The following B9D1 variants were observed in gnomAD, a reference collection of about 807,000 sequenced individuals.
B9D1 encodes the protein B9 domain-containing protein 1.
A neutral mutation model predicts 26.1 loss-of-function variants in B9D1; 20 were observed. The observed-to-expected ratio is 0.77, with a 90% confidence interval of 0.54 to 1.12. The LOEUF (loss-of-function observed/expected upper bound fraction) is 1.12, where lower values mean the gene tolerates loss of function less well. Among genes scored for constraint, B9D1 ranks in the 50% most tolerant of loss-of-function variants. The probability of loss-of-function intolerance (pLI) is 0.00; values close to 1 mark genes in which losing one functional copy is unlikely to be tolerated. For synonymous variants in B9D1, 105 were observed against 103.1 expected (o/e 1.02, Z -0.11); for missense variants, 260 against 273.7 (o/e 0.95, Z 0.35).
At chr17:19,353,947 TTAAA>T (rs1317652942) in intron 3 of B9D1, among the ~76,000 whole-genome samples, 6 of 151,976 alleles carry the variant, frequency 3.9e-5, no homozygotes, top group Non-Finnish European at 7.4e-5. Context: ...TCTCAAAAAA[TTAAA>T]TAAATAAATA....
In B9D1 at chr17:19,346,972, A is replaced by G. The variant is rs1456307555; in HGVS notation, c.404+297T>C. On this transcript the variant is annotated intron_variant, in intron 5 of 6. Transcript: ENST00000261499. Reference sequence around the variant, plus strand: ...ATATCCTCTTGTTTCCCACCTTTTAATGTCACATTATGTCATGAGCATTTT... The same window carrying G: ...ATATCCTCTTGTTTCCCACCTTTTAGTGTCACATTATGTCATGAGCATTTT... 8 of 1,516,288 alleles carry G rather than the reference A, an allele frequency of 5.3e-6. No homozygotes were observed. In the African/African-American group the frequency reaches 8.3e-5, roughly 16 times the overall value. 93.9% of individuals were successfully genotyped at this position (1,516,288 alleles called of 1,614,324 possible).
chr17:19,364,850 G>T (rs1034759110), upstream of B9D1, among the ~76,000 whole-genome samples: 1 of 152,238 alleles, frequency 6.6e-6, no homozygotes, highest in Admixed American at 6.5e-5. The surrounding 1 kb of genome is among the most constrained non-coding windows in gnomAD (Gnocchi z 4.3). Context: ...TTGGGCAGGC[G>T]GGGCTGTCAG....
downstream of B9D1, among the ~76,000 whole-genome samples, chr17:19,338,506 G>A (rs1239035241): frequency 1.3e-5 from 2 of 152,210 alleles, no homozygotes; most frequent in East Asian, 1.9e-4. Flanking sequence ...GCATTATTTT[G>A]GTCAGAGTGT....
At chr17:19,335,928 TTC>T (rs1275124110), downstream of B9D1, 2 of 152,930 alleles carry the variant, frequency 1.3e-5, no homozygotes, top group Admixed American at 1.3e-4. Flanking sequence ...TGGTGGATGT[TTC>T]TGGCCCTTTT....
chr17:19,353,151 A>AT (rs1336170697), intron 3 of B9D1, among the ~76,000 whole-genome samples: 1 of 111,580 alleles, frequency 9.0e-6, no homozygotes, highest in East Asian at 3.0e-4. Flanking sequence ...AATTTTTTGT[A>AT]TTTTAGTAGA....
chr17:19,357,837 C>G lies in B9D1; in HGVS notation c.244+3G>C, dbSNP rs1290656813. The G allele has an allele frequency of 3.7e-6, 6 of 1,611,406 alleles. No individual in the cohort carries two copies. Among genetic ancestry groups the G allele is most frequent in the Non-Finnish European group, 5.1e-6 (6 of 1,178,000 alleles). ...CTACCCCACAGGGCCCCTGCAGACTCACAGCCGTAGGGGTTGGTGCTTTTA... is the reference window on the plus strand; with the variant it reads ...CTACCCCACAGGGCCCCTGCAGACTGACAGCCGTAGGGGTTGGTGCTTTTA... On this transcript the variant is annotated splice_donor_region_variant and intron_variant, in intron 3 of 6. Coordinates refer to ENST00000261499, the MANE Select transcript of B9D1 (RefSeq NM_015681.6).
chr17:19,371,721 C>G (rs1911903061), intron 1 of B9D1: 1 of 152,270 alleles, frequency 6.6e-6, no homozygotes, highest in South Asian at 2.1e-4. Context: ...CTTCCCAAGA[C>G]TGTCCTAGCG....
At chr17:19,339,712 C>T (rs1907743583), downstream of B9D1, among the ~76,000 whole-genome samples, 1 of 152,202 alleles carries the variant, frequency 6.6e-6, no homozygotes, top group African/African-American at 2.4e-5. Context: ...TCAGGCTCCT[C>T]CCTTATGATG....
downstream of B9D1, among the ~76,000 whole-genome samples, chr17:19,338,908 A>G (rs941495453): frequency 7.9e-5 from 12 of 152,166 alleles, no homozygotes; most frequent in African/African-American, 2.7e-4. Context: ...TTAAGTGACA[A>G]AGTTTTGGGG....
chr17:19,347,419 G>A lies in B9D1; in HGVS notation c.342-88C>T. ...GAAGAAACCCTCAGATCAGGCCAGT[G>A]CAGCTGCAGCGTGGGCCAAGTCAGG... is the stretch of plus-strand genomic sequence containing the variant. On this transcript the variant is annotated intron_variant, in intron 4 of 6. Transcript: ENST00000261499. The surrounding 1 kb of genome is among the most constrained non-coding windows in gnomAD (Gnocchi z 4.3). 1.3e-6 allele frequency: 2 copies of A among 1,497,960 alleles called. No homozygotes were observed. The highest frequency in any genetic ancestry group is 1.9e-6 in the Non-Finnish European group (2 of 1,079,924). 92.8% of individuals were successfully genotyped at this position (1,497,960 alleles called of 1,614,324 possible).
At position 19,343,476 on chromosome 17, in the gene B9D1, G is replaced by A. The variant is rs780551918; in HGVS notation, c.473-15C>T. 3 of 1,614,140 alleles carry A rather than the reference G, an allele frequency of 1.9e-6. No homozygotes were observed. The highest frequency in any genetic ancestry group is 3.3e-5 in the Admixed American group (2 of 60,016). On this transcript the variant is annotated splice_polypyrimidine_tract_variant and intron_variant, in intron 6 of 6. Coordinates refer to ENST00000261499, the MANE Select transcript of B9D1 (RefSeq NM_015681.6). ...GACACGGGTCACTGGGGACAGAAGG[G>A]CAGCATCAGCCAGGCTGGGCTGGGG...
At position 19,362,593 on chromosome 17, in the gene B9D1, G is replaced by GA. The variant is rs773701083; in HGVS notation, c.-25dup. ...ATGGCAGGTCTGGGGGTGCCGGGGG[G>GA]ACCCACCTAGGCCGCGCGCGGTTGC... On this transcript the variant is annotated 5_prime_UTR_variant, in exon 1 of 7. Coordinates refer to ENST00000261499, the MANE Select transcript of B9D1 (RefSeq NM_015681.6). The GA allele has an allele frequency of 3.8e-6, 6 of 1,583,744 alleles. No homozygotes were observed. The South Asian group carries it at 4.6e-5, about 12-fold the overall frequency.
In B9D1 at chr17:19,347,757, A is replaced by G. The variant is rs1347638777; in HGVS notation, c.341+27T>C. On this transcript the variant is annotated intron_variant, in intron 4 of 6. Transcript: ENST00000261499. The surrounding 1 kb of genome is among the most constrained non-coding windows in gnomAD (Gnocchi z 4.3). ...GTCTGTCCTAGGACAAGTCCTGCCC[A>G]GGGCCCAGGTCAGAATGAGGACCTA... is the stretch of plus-strand genomic sequence containing the variant. 3.1e-6 allele frequency: 5 copies of G among 1,599,906 alleles called. No individual in the cohort carries two copies. In the African/African-American group the frequency reaches 6.7e-5, roughly 21 times the overall value.
chr17:19,342,980 G>A (rs755610880), downstream of B9D1: 253 of 777,408 alleles, frequency 3.3e-4, no homozygotes, highest in Non-Finnish European at 4.0e-4. Flanking sequence ...ACAGCTTTGA[G>A]TGGCAGAACC....
At chr17:19,371,232 G>A (rs1048079008) in intron 1 of B9D1, 1 of 152,458 alleles carries the variant, frequency 6.6e-6, no homozygotes, top group African/African-American at 2.4e-5. Flanking sequence ...TGTGTACCTA[G>A]CATGTATGTC....
At chr17:19,373,828 C>T (rs988244057) in intron 1 of B9D1, among the ~76,000 whole-genome samples, 1 of 152,174 alleles carries the variant, frequency 6.6e-6, no homozygotes, top group Non-Finnish European at 1.5e-5. Context: ...CACCCAATCC[C>T]ACGTCTGTCT....
In B9D1 at chr17:19,370,980, T is replaced by C. The variant is rs1372876636; in HGVS notation, c.-298+6879A>G. Reference sequence around the variant, plus strand: ...CAGCCTGCCCATCAAGCCCCACTGCTTTCCACTGCTTTGGTGCCTTCGCCT... The same window carrying C: ...CAGCCTGCCCATCAAGCCCCACTGCCTTCCACTGCTTTGGTGCCTTCGCCT... On this transcript the variant is annotated intron_variant, in intron 1 of 5. Transcript: ENST00000477478. This position sits in a 1 kb window ranked among gnomAD's most constrained non-coding sequence, Gnocchi z 5.1. 6.6e-6 allele frequency among the ~76,000 whole-genome samples: 1 copy of C among 152,222 alleles called. No individual in the cohort carries two copies. The highest frequency in any genetic ancestry group is 2.1e-4 in the South Asian group (1 of 4,832).
At chr17:19,362,849 G>C (rs1347020684), upstream of B9D1, 13 of 755,482 alleles carry the variant, frequency 1.7e-5, no homozygotes, top group South Asian at 1.5e-4. Context: ...TGACCTGTCG[G>C]GTAAAGCCAG....
chr17:19,375,603 A>G lies in B9D1; in HGVS notation c.-298+2256T>C, dbSNP rs58759804. Among the ~76,000 whole-genome samples, 993 of 152,274 alleles carry G rather than the reference A, an allele frequency of 6.5e-3. 54 individuals carry two copies. In the East Asian group the frequency reaches 0.12, roughly 18 times the overall value. On this transcript the variant is annotated intron_variant, in intron 1 of 5. Coordinates refer to the B9D1 transcript ENST00000477478. ...ATAAAAATATAAAAATTAGCTGGACATGGTGGTGGGGACCTGTAATCCCAA... is the reference window on the plus strand; with the variant it reads ...ATAAAAATATAAAAATTAGCTGGACGTGGTGGTGGGGACCTGTAATCCCAA...
Sources: allele counts gnomAD v4.1 joint callset (sites outside exome capture counted in the v4.1 genomes callset), GRCh38; gene constraint gnomAD v4.1.1; non-coding constraint Gnocchi (gnomAD v3.1); transcripts MANE v1.5; gene names NCBI Gene and HGNC (gene_info 2026-07-23, HGNC 2026-07-21).